Variants in RPS6KA2 observed in about 807,000 individuals in gnomAD.
RPS6KA2 encodes the protein ribosomal protein S6 kinase A2, also known as ribosomal protein S6 kinase alpha-2.
Under a neutral mutation model 91.8 loss-of-function variants are expected in RPS6KA2, and 42 were observed. That is an observed-to-expected ratio of 0.46 (90% confidence interval 0.36 to 0.59). The LOEUF is 0.59. RPS6KA2 is among the 20% of genes least tolerant of loss of function. RPS6KA2 has a pLI of 0.00. For missense variants in RPS6KA2, 798 were observed against 978.5 expected (o/e 0.82, Z 2.46); for synonymous variants, 414 against 393.6 (o/e 1.05, Z -0.61).
intron 2 of RPS6KA2, among the ~76,000 whole-genome samples, chr6:166,682,713 A>G (rs1177476686): frequency 1.3e-5 from 2 of 152,212 alleles, no homozygotes. Context: ...GGACAAGCTC[A>G]TTCATCGGAA....
At chr6:166,754,564 A>G (rs1583081910) in intron 2 of RPS6KA2, among the ~76,000 whole-genome samples, 1 of 151,634 alleles carries the variant, frequency 6.6e-6, no homozygotes, top group Non-Finnish European at 1.5e-5. Flanking sequence ...TGTGGCCCAG[A>G]GCGTGAGAGT....
At chr6:166,487,799 T>G (rs145030018) in intron 10 of RPS6KA2, among the ~76,000 whole-genome samples, 454 of 152,352 alleles carry the variant, frequency 3.0e-3, no homozygotes, top group Non-Finnish European at 4.8e-3. Context: ...CCTTAACTCC[T>G]TTTTTCTAAG....
chr6:166,448,917 A>G lies in RPS6KA2; in HGVS notation c.1207-68T>C. On this transcript the variant is annotated intron_variant, in intron 13 of 20. Transcript: ENST00000265678. The surrounding 1 kb of genome is among the most constrained non-coding windows in gnomAD (Gnocchi z 4.7). ...ACGAGGGGACGGTGCAGCTACACGC[A>G]CACAGAATGTGGGGCGAAGAGAGGC... 1 of 1,583,680 alleles carries G rather than the reference A, an allele frequency of 6.3e-7. No homozygotes were observed. The highest frequency in any genetic ancestry group is 1.7e-5 in the Admixed American group (1 of 59,080).
chr6:166,819,229 GTTT>G (rs1779843543), intron 2 of RPS6KA2, among the ~76,000 whole-genome samples: 1 of 152,052 alleles, frequency 6.6e-6, no homozygotes, highest in Admixed American at 6.5e-5. Context: ...CTATGTGTTG[GTTT>G]TTTGTTTGTT....
At chr6:166,589,123 G>T (rs532670394) in intron 1 of RPS6KA2, among the ~76,000 whole-genome samples, 2 of 152,312 alleles carry the variant, frequency 1.3e-5, no homozygotes, top group African/African-American at 4.8e-5. Flanking sequence ...AAGAGCCCCA[G>T]GCTTTCTGGA....
In RPS6KA2 at chr6:166,575,254, A is replaced by C. The variant is rs544311612; in HGVS notation, c.100-36470T>G. ...ATTCATGTGATTTTTTTGTCTTTGC[A>C]TTCAAAAGTCAGAAGCATAACACGA... On this transcript the variant is annotated intron_variant, in intron 1 of 20. Transcript: ENST00000265678. Among the ~76,000 whole-genome samples, 18 of 152,354 alleles carry C rather than the reference A, an allele frequency of 1.2e-4. No individual in the cohort carries two copies. The South Asian group carries it at 3.5e-3, about 30-fold the overall frequency.
At position 166,559,104 on chromosome 6, in the gene RPS6KA2, G is replaced by C. The variant is rs1005526155; in HGVS notation, c.100-20320C>G. Among the ~76,000 whole-genome samples, 60 of 152,186 alleles carry C rather than the reference G, an allele frequency of 3.9e-4. 1 individual carries two copies. The highest frequency in any genetic ancestry group is 1.3e-3 in the African/African-American group (55 of 41,430). On this transcript the variant is annotated intron_variant, in intron 1 of 20. Transcript: ENST00000265678. Reference sequence around the variant, plus strand: ...TTCATGAGGATTAGATCTGGGTTAAGAAGGAGGCTTTGGACCTGGAATATG... The same window carrying C: ...TTCATGAGGATTAGATCTGGGTTAACAAGGAGGCTTTGGACCTGGAATATG...
Position 166,639,939 on chromosome 6 carries a change from C to T in RPS6KA2, c.124-101155G>A, listed in dbSNP as rs939357421. Among the ~76,000 whole-genome samples, 3 of 152,212 alleles carry T rather than the reference C, an allele frequency of 2.0e-5. No homozygotes were observed. Among genetic ancestry groups the T allele is most frequent in the African/African-American group, 2.4e-5 (1 of 41,454 alleles). On this transcript the variant is annotated intron_variant, in intron 2 of 21. Transcript: ENST00000503859. This position sits in a 1 kb window ranked among gnomAD's most constrained non-coding sequence, Gnocchi z 4.2. ...AAGCAAGTGTCCGTAGCGTTCCATGCGTGTGTGTAAACAGACGTTACTAGG... is the reference window on the plus strand; with the variant it reads ...AAGCAAGTGTCCGTAGCGTTCCATGTGTGTGTGTAAACAGACGTTACTAGG...
At chr6:166,570,468 C>T (rs1784655779) in intron 1 of RPS6KA2, among the ~76,000 whole-genome samples, 1 of 152,164 alleles carries the variant, frequency 6.6e-6, no homozygotes, top group South Asian at 2.1e-4. Flanking sequence ...AAACAAAAAC[C>T]CTTAAACTTA....
At position 166,493,374 on chromosome 6, in the gene RPS6KA2, A is replaced by C. The variant is rs1257321546; in HGVS notation, c.748-2633T>G. On this transcript the variant is annotated intron_variant, in intron 8 of 20. Coordinates refer to ENST00000265678, the MANE Select transcript of RPS6KA2 (RefSeq NM_021135.6). This position sits in a 1 kb window ranked among gnomAD's most constrained non-coding sequence, Gnocchi z 4.7. ...GATTGTCTGAATGGAGCTGCCCGGGAACTTTCCAGTGCCGAAGCATTACTG... is the reference window on the plus strand; with the variant it reads ...GATTGTCTGAATGGAGCTGCCCGGGCACTTTCCAGTGCCGAAGCATTACTG... Among the ~76,000 whole-genome samples the C allele has an allele frequency of 1.3e-5, 2 of 152,002 alleles. No homozygotes were observed. Among genetic ancestry groups the C allele is most frequent in the African/African-American group, 4.8e-5 (2 of 41,338 alleles).
chr6:166,480,477 T>TATATA (rs1347612534), intron 10 of RPS6KA2, among the ~76,000 whole-genome samples: 2 of 43,918 alleles, frequency 4.6e-5, no homozygotes, highest in Admixed American at 3.1e-4. Flanking sequence ...AAGATTGTGA[T>TATATA]TTTATATATA....
At chr6:166,741,478 A>G (rs1197008745) in intron 2 of RPS6KA2, among the ~76,000 whole-genome samples, 1 of 152,266 alleles carries the variant, frequency 6.6e-6, no homozygotes, top group East Asian at 1.9e-4. Context: ...GCCACATCGA[A>G]AAACGGAAAG....
intron 2 of RPS6KA2, among the ~76,000 whole-genome samples, chr6:166,808,245 T>C (rs955768536): frequency 6.6e-6 from 1 of 152,234 alleles, no homozygotes; most frequent in African/African-American, 2.4e-5. Context: ...CAGACCTTTC[T>C]TGAAGCTGAG....
intron 2 of RPS6KA2, among the ~76,000 whole-genome samples, chr6:166,779,202 G>A (rs186272794): frequency 5.3e-5 from 8 of 152,234 alleles, no homozygotes; most frequent in East Asian, 3.9e-4. Context: ...TGTTCTCTAC[G>A]GCCCTCAGGA....
At chr6:166,807,683 G>A (rs957150315) in intron 2 of RPS6KA2, among the ~76,000 whole-genome samples, 5 of 152,048 alleles carry the variant, frequency 3.3e-5, no homozygotes, top group East Asian at 1.9e-4. Flanking sequence ...TGCAGGTCAC[G>A]CTGGCCTCCC....
At position 166,603,032 on chromosome 6, in the gene RPS6KA2, C is replaced by T. The variant is rs1428106303; in HGVS notation, c.99+23889G>A. On this transcript the variant is annotated intron_variant, in intron 1 of 20. Coordinates refer to ENST00000265678, the MANE Select transcript of RPS6KA2 (RefSeq NM_021135.6). This position sits in a 1 kb window ranked among gnomAD's most constrained non-coding sequence, Gnocchi z 4.3. Reference sequence around the variant, plus strand: ...CCTAGGAACCCATTCTGCTTTCACCCTCTGGATGAGTTCATTCAAAGACTA... The same window carrying T: ...CCTAGGAACCCATTCTGCTTTCACCTTCTGGATGAGTTCATTCAAAGACTA... Among the ~76,000 whole-genome samples the T allele has an allele frequency of 1.3e-5, 2 of 152,218 alleles. No individual in the cohort carries two copies. Among genetic ancestry groups the T allele is most frequent in the Non-Finnish European group, 2.9e-5 (2 of 68,040 alleles).
rs1405579872 is a variant in RPS6KA2 at position 166,831,950 on chromosome 6, A to C, written c.123+26250T>G. 2.6e-5 allele frequency among the ~76,000 whole-genome samples: 4 copies of C among 152,122 alleles called. No homozygotes were observed. In the East Asian group the frequency reaches 7.7e-4, roughly 29 times the overall value. On this transcript the variant is annotated intron_variant, in intron 2 of 21. Transcript: ENST00000503859. ...TGATAGATAATAGATGGATGGATAG[A>C]TAGCTACATAGATACATACGTAGAT...
At chr6:166,536,419 C>T (rs1783479669) in intron 2 of RPS6KA2, among the ~76,000 whole-genome samples, 1 of 152,176 alleles carries the variant, frequency 6.6e-6, no homozygotes, top group Non-Finnish European at 1.5e-5. Flanking sequence ...GGCATTAGAA[C>T]ACACGGCTTC....
Position 166,490,718 on chromosome 6 carries a change from C to G in RPS6KA2, c.771G>C (p.Leu257=). 6.2e-7 allele frequency: 1 copy of G among 1,612,982 alleles called. No homozygotes were observed. Among genetic ancestry groups the G allele is most frequent in the Non-Finnish European group, 8.5e-7 (1 of 1,179,440 alleles). The change falls in exon 9 of 21, where the codon CTG becomes CTC. Residue 257 remains leucine, a synonymous_variant. Coordinates refer to ENST00000265678, the MANE Select transcript of RPS6KA2 (RefSeq NM_021135.6). The surrounding 1 kb of genome is among the most constrained non-coding windows in gnomAD (Gnocchi z 4.2). ...CCTTCCTGTCCTTCCCCTGGAACGG[C>G]AGGGACCCCGTGAGCATCTCAAACT... ...VLMFEMLTGS[L]PFQGKDRKET...
Sources: gnomAD v4.1 joint callset for allele counts (sites outside exome capture counted in the v4.1 genomes callset) on GRCh38, gnomAD v4.1.1 for gene constraint, Gnocchi (gnomAD v3.1) non-coding constraint, MANE v1.5 for transcripts, NCBI Gene and HGNC (gene_info 2026-07-23, HGNC 2026-07-21) for gene names.